Variants in AFAP1 observed in about 807,000 individuals in gnomAD.
AFAP1 encodes the protein actin filament associated protein 1.
A neutral mutation model predicts 93.9 loss-of-function variants in AFAP1; 75 were observed. That is an observed-to-expected ratio of 0.80 (90% CI 0.66 to 0.97). The LOEUF (loss-of-function observed/expected upper bound fraction) is 0.97. Ranked by LOEUF, AFAP1 falls within the 50% of genes least tolerant of loss-of-function variation. AFAP1 has a pLI of 0.00. For missense variants in AFAP1, 1,201 were observed against 1,050.8 expected (o/e 1.14, Z -1.98); for synonymous variants, 517 against 430.7 (o/e 1.20, Z -2.48).
At chr4:7,796,272 T>C (rs1429384202) in intron 10 of AFAP1, among the ~76,000 whole-genome samples, 2 of 152,168 alleles carry the variant, frequency 1.3e-5, no homozygotes, top group African/African-American at 2.4e-5. Context: ...AGGATGAGCC[T>C]GGGGCATCTC....
chr4:7,789,764 C>T (rs1717690991), intron 11 of AFAP1, among the ~76,000 whole-genome samples: 2 of 151,208 alleles, frequency 1.3e-5, no homozygotes, highest in Admixed American at 6.6e-5. Flanking sequence ...CCCATCCGTG[C>T]ATCTCCCCAT....
intron 1 of AFAP1, among the ~76,000 whole-genome samples, chr4:7,890,328 T>C (rs539540553): frequency 2.0e-5 from 3 of 152,280 alleles, no homozygotes; most frequent in African/African-American, 7.2e-5. Flanking sequence ...GATGTCAGTA[T>C]GGGGAAAACT....
intron 11 of AFAP1, among the ~76,000 whole-genome samples, chr4:7,790,916 C>T (rs949481217): frequency 6.6e-6 from 1 of 152,146 alleles, no homozygotes; most frequent in Non-Finnish European, 1.5e-5. Context: ...TTCCACTTGT[C>T]AAGGCTATTG....
intron 16 of AFAP1, among the ~76,000 whole-genome samples, chr4:7,770,382 A>T (rs1172178618): frequency 1.3e-5 from 2 of 152,162 alleles, no homozygotes; most frequent in African/African-American, 4.8e-5. Context: ...TGTCCACTGG[A>T]TGGGAATGCC....
chr4:7,798,687 C>A (rs1461740337), intron 10 of AFAP1, among the ~76,000 whole-genome samples: 1 of 152,194 alleles, frequency 6.6e-6, no homozygotes, highest in Non-Finnish European at 1.5e-5. Context: ...AAGGAATAAG[C>A]ACCTTCCTCA....
At position 7,868,632 on chromosome 4, in the gene AFAP1, T is replaced by A. The variant is rs1310209270; in HGVS notation, c.215A>T (p.Gln72Leu). Residue 72 changes from glutamine to leucine, a missense_variant, in exon 3 of 18, where the codon CAG becomes CTG. Transcript: ENST00000420658. Reference protein sequence around the residue: ...PPQMPLPEIPQPWLPPDSGPP... With the variant: ...PPQMPLPEIPLPWLPPDSGPP... ...GGGACCTTGACTCACCAGCCAGGGC[T>A]GAGGGATCTCCGGCAGGGGCATCTG... 1 of 1,612,062 alleles carries A rather than the reference T, an allele frequency of 6.2e-7. No individual in the cohort carries two copies. Among genetic ancestry groups the A allele is most frequent in the Non-Finnish European group, 8.5e-7 (1 of 1,179,732 alleles).
chr4:7,796,874 A>C (rs1205930922), intron 10 of AFAP1, among the ~76,000 whole-genome samples: 2 of 150,466 alleles, frequency 1.3e-5, no homozygotes, highest in Admixed American at 1.3e-4. Context: ...AGCCTGGCTA[A>C]CATGGTGAAA....
At chr4:7,852,985 G>T (rs1714630754) in intron 4 of AFAP1, among the ~76,000 whole-genome samples, 1 of 152,116 alleles carries the variant, frequency 6.6e-6, no homozygotes, top group Non-Finnish European at 1.5e-5. Flanking sequence ...CCGTCACCCG[G>T]GCAATGGTGA....
intron 1 of AFAP1, among the ~76,000 whole-genome samples, chr4:7,910,426 G>C (rs1257736725): frequency 6.6e-6 from 1 of 151,916 alleles, no homozygotes; most frequent in African/African-American, 2.4e-5. Context: ...AAAATACATA[G>C]AAATAAAAAA....
chr4:7,868,480 C>A (rs898692200), intron 3 of AFAP1, 142 bp downstream of exon 3: 1 of 660,408 alleles, frequency 1.5e-6, no homozygotes, highest in Non-Finnish European at 2.5e-6. Flanking sequence ...CTTCTCAGCC[C>A]TAGAAATATA....
chr4:7,876,655 C>T (rs1717529947), intron 1 of AFAP1, among the ~76,000 whole-genome samples: 1 of 152,202 alleles, frequency 6.6e-6, no homozygotes, highest in African/African-American at 2.4e-5. Context: ...CCGAGGCTTT[C>T]CCGGGCCTGT....
chr4:7,820,542 A>C (rs1290560796), intron 6 of AFAP1, among the ~76,000 whole-genome samples: 1 of 152,208 alleles, frequency 6.6e-6, no homozygotes. Context: ...GAAAGCAGGC[A>C]GAAAACCAGG....
In AFAP1 at chr4:7,768,887, G is replaced by C. The variant is rs371528184; in HGVS notation, c.2375C>G (p.Pro792Arg). Residue 792 changes from proline to arginine, a missense_variant, in exon 17 of 18, where the codon CCG (proline) becomes CGG (arginine). Coordinates refer to ENST00000420658, the MANE Select transcript of AFAP1 (RefSeq NM_001134647.2). ...AAVLKKSQAA[P>R]GSSPCRGHVL... ...ATGCCCTCGGCAGGGGGAGCTGCCC[G>C]GGGCAGCCTGGCTCTTCTTCAAGAC... is the stretch of plus-strand genomic sequence containing the variant. 2 of 1,610,228 alleles carry C rather than the reference G, an allele frequency of 1.2e-6. No homozygotes were observed. The highest frequency in any genetic ancestry group is 2.2e-5 in the East Asian group (1 of 44,730).
chr4:7,921,150 C>T (rs1720420864), intron 1 of AFAP1, among the ~76,000 whole-genome samples: 1 of 145,668 alleles, frequency 6.9e-6, no homozygotes, highest in Non-Finnish European at 1.5e-5. Context: ...CTCTCAGCTT[C>T]AGTTTCCTAC....
At chr4:7,922,139 A>C (rs1406383840) in intron 1 of AFAP1, among the ~76,000 whole-genome samples, 1 of 152,206 alleles carries the variant, frequency 6.6e-6, no homozygotes, top group Non-Finnish European at 1.5e-5. Context: ...AACTGGCAAC[A>C]GTGGTCACAG....
chr4:7,883,338 T>C (rs1042169045), intron 1 of AFAP1, among the ~76,000 whole-genome samples: 1 of 152,178 alleles, frequency 6.6e-6, no homozygotes, highest in Non-Finnish European at 1.5e-5. Flanking sequence ...TCATTCCTGA[T>C]ATTTTTAAGT....
intron 1 of AFAP1, among the ~76,000 whole-genome samples, chr4:7,931,948 C>T (rs1394129315): frequency 2.0e-5 from 3 of 152,064 alleles, no homozygotes; most frequent in Non-Finnish European, 2.9e-5. Context: ...GCAAGCTCCA[C>T]CTCCAGGGTC....
chr4:7,860,796 C>T (rs774690534), intron 3 of AFAP1, among the ~76,000 whole-genome samples: 7 of 152,166 alleles, frequency 4.6e-5, no homozygotes, highest in African/African-American at 4.8e-5. Context: ...CAAGACTGCA[C>T]GGGTCCAGAC....
chr4:7,775,005 G>A (rs986103156), intron 14 of AFAP1, 102 bp from the exon 15 acceptor site: 3 of 1,374,326 alleles, frequency 2.2e-6, no homozygotes, highest in Non-Finnish European at 3.0e-6. Context: ...GCCAGGCATG[G>A]CGGCACATGC....
Sources: allele counts gnomAD v4.1 joint callset (sites outside exome capture counted in the v4.1 genomes callset), GRCh38; gene constraint gnomAD v4.1.1; transcripts MANE v1.5; gene names NCBI Gene and HGNC (gene_info 2026-07-23, HGNC 2026-07-21).